TESPA1: variants seen among roughly 807,000 people sequenced by gnomAD.
TESPA1 encodes protein TESPA1.
TESPA1 carries 33 observed loss-of-function variants against 57.9 expected under a neutral mutation model. The ratio of observed to expected loss-of-function variants is 0.57; its 90% CI spans 0.43 to 0.76. The LOEUF is 0.76. TESPA1 is among the 30% of genes least tolerant of loss of function. TESPA1 has a pLI of 0.00. For missense variants in TESPA1, 618 were observed against 632.9 expected (o/e 0.98, Z 0.25); for synonymous variants, 227 against 228.9 (o/e 0.99, Z 0.07).
chr12:54,963,078 G>C lies in TESPA1; in HGVS notation c.820C>G (p.Pro274Ala), dbSNP rs771045829. The C allele has an allele frequency of 2.5e-6, 4 of 1,613,858 alleles. No individual in the cohort carries two copies. Among genetic ancestry groups the C allele is most frequent in the Non-Finnish European group, 3.4e-6 (4 of 1,179,890 alleles). Residue 274 changes from proline (P) to alanine (A), a missense_variant, in exon 9 of 11, where the codon CCT (proline) becomes GCT (alanine). By Grantham distance (27) the Pro-to-Ala change is conservative. This residue lies in a region of TESPA1 where 409 missense variants were observed against 420.1 expected (regional missense o/e 0.97). Coordinates refer to ENST00000449076, the MANE Select transcript of TESPA1 (RefSeq NM_001136030.3). ...CGGTCTCTGGGTGACTGGGGTTCAGGCTCTCGGGACAGAATCCTGATGGAT... is the reference window on the plus strand; with the variant it reads ...CGGTCTCTGGGTGACTGGGGTTCAGCCTCTCGGGACAGAATCCTGATGGAT... ...VPSIRILSRE[P>A]EPQSPRDRLR...
Position 54,962,930 on chromosome 12 carries a change from A to G in TESPA1, c.968T>C (p.Val323Ala), listed in dbSNP as rs1366536218. 2 of 1,613,174 alleles carry G rather than the reference A, an allele frequency of 1.2e-6. No individual in the cohort carries two copies. The highest frequency in any genetic ancestry group is 1.7e-6 in the Non-Finnish European group (2 of 1,179,788). ...CTGGAGGAACTGCTTCTCTTCTTTCACTTTGTCCATCACTTCCAACACAAC... is the reference window on the plus strand; with the variant it reads ...CTGGAGGAACTGCTTCTCTTCTTTCGCTTTGTCCATCACTTCCAACACAAC... ...DQVVLEVMDK[V>A]KEEKQFLQQD... The change falls in exon 9 of 11, where the codon GTG becomes GCG. Residue 323 changes from valine (V) to alanine (A), a missense_variant. Coordinates refer to ENST00000449076, the MANE Select transcript of TESPA1 (RefSeq NM_001136030.3).
chr12:54,975,967 T>G (rs141902361), intron 1 of TESPA1, among the ~76,000 whole-genome samples: 2 of 152,330 alleles, frequency 1.3e-5, no homozygotes, highest in East Asian at 3.9e-4. Context: ...CCAAGACATA[T>G]TTTTCTTCCA....
At chr12:54,966,222 C>A (rs1030551521) in intron 6 of TESPA1, 71 bp from the exon 7 acceptor site, 42 of 1,564,962 alleles carry the variant, frequency 2.7e-5, no homozygotes, top group Non-Finnish European at 3.2e-5. Context: ...GGAATCCCTG[C>A]TGGACTTATT....
chr12:54,973,335 C>T (rs1192289159), intron 3 of TESPA1, 142 bp downstream of exon 3: 2 of 1,240,484 alleles, frequency 1.6e-6, no homozygotes, highest in African/African-American at 1.5e-5. Context: ...CGCAACACCC[C>T]TCCAACCACC....
intron 3 of TESPA1, among the ~76,000 whole-genome samples, chr12:54,971,247 T>C (rs573725151): frequency 6.6e-6 from 1 of 152,304 alleles, no homozygotes; most frequent in East Asian, 1.9e-4. Flanking sequence ...CCTGGCAGAG[T>C]GGACAGATAA....
chr12:54,967,492 A>G (rs1435737714), intron 4 of TESPA1, among the ~76,000 whole-genome samples: 3 of 151,954 alleles, frequency 2.0e-5, no homozygotes, highest in Admixed American at 1.3e-4. Context: ...TCACATAGTT[A>G]TGTACACAAT....
In TESPA1 at chr12:54,974,582, G is replaced by C; in HGVS notation, c.-20C>G. ...CTCCATGGCCCTGGCTCAGACTTCA[G>C]GGCCTCCCGTAACAGTAATGCCGTC... On this transcript the variant is annotated 5_prime_UTR_variant, in exon 2 of 11. Transcript: ENST00000449076. The C allele has an allele frequency of 6.5e-7, 1 of 1,540,240 alleles. No homozygotes were observed. Among genetic ancestry groups the C allele is most frequent in the Non-Finnish European group, 8.8e-7 (1 of 1,140,852 alleles).
chr12:54,959,045 T>C (rs1016764359), intron 10 of TESPA1, among the ~76,000 whole-genome samples: 5 of 152,202 alleles, frequency 3.3e-5, no homozygotes, highest in African/African-American at 1.2e-4. Context: ...TTTTACTATG[T>C]CTTTTTTTTA....
chr12:54,984,286 A>G (rs1341579496), intron 1 of TESPA1: 2 of 152,074 alleles, frequency 1.3e-5, no homozygotes, highest in Non-Finnish European at 2.9e-5. Flanking sequence ...GAGAAAGGTG[A>G]AAAAAAATTC....
intron 9 of TESPA1, among the ~76,000 whole-genome samples, chr12:54,962,067 T>C (rs1244751019): frequency 6.6e-6 from 1 of 152,224 alleles, no homozygotes; most frequent in East Asian, 1.9e-4. Flanking sequence ...GTTAGATATT[T>C]GTCAAGGTAA....
In TESPA1 at chr12:54,961,223, G is replaced by A. The variant is rs771569819; in HGVS notation, c.1512C>T (p.Pro504=). ...GGTGGTGGGGGTGCCTGGGTCTGCT[G>A]GGCCAGCGACTCTGACTCTGCTCCT... ...SEEEQSQSRW[P]SRPRHPHHHQ... The change falls in exon 10 of 11, where the codon CCC becomes CCT. Residue 504 remains proline, a synonymous_variant. Coordinates refer to ENST00000449076, the MANE Select transcript of TESPA1 (RefSeq NM_001136030.3). 1 of 1,613,974 alleles carries A rather than the reference G, an allele frequency of 6.2e-7. No individual in the cohort carries two copies. Among genetic ancestry groups the A allele is most frequent in the South Asian group, 1.1e-5 (1 of 91,082 alleles).
chr12:54,972,809 G>C (rs1951917153), intron 3 of TESPA1, among the ~76,000 whole-genome samples: 1 of 152,120 alleles, frequency 6.6e-6, no homozygotes, highest in South Asian at 2.1e-4. Context: ...AGCCATTCCT[G>C]GAGGGAAAAT....
At position 54,949,474 on chromosome 12, in the gene TESPA1, A is replaced by C. The variant is rs569481956; in HGVS notation, c.*918T>G. The C allele has an allele frequency of 6.6e-6, 1 of 151,582 alleles. No homozygotes were observed. The highest frequency in any genetic ancestry group is 1.9e-4 in the East Asian group (1 of 5,136). The allele number at this position is 151,582 out of a possible 1,614,324, so 9.4% of individuals were successfully genotyped here. On this transcript the variant is annotated 3_prime_UTR_variant, in exon 11 of 11. Coordinates refer to ENST00000449076, the MANE Select transcript of TESPA1 (RefSeq NM_001136030.3). ...GCATCTTACTTCTCCCATTCTATTA[A>C]TATTAATATTTTCTCAGGGGAGAAA...
At chr12:54,958,879 T>A (rs926296955) in intron 10 of TESPA1, among the ~76,000 whole-genome samples, 1 of 152,186 alleles carries the variant, frequency 6.6e-6, no homozygotes, top group African/African-American at 2.4e-5. Context: ...AGGATTTCCA[T>A]CTCTCTGTTC....
intron 1 of TESPA1, among the ~76,000 whole-genome samples, chr12:54,978,529 G>A (rs1952210200): frequency 6.6e-6 from 1 of 152,160 alleles, no homozygotes; most frequent in Non-Finnish European, 1.5e-5. Context: ...GGTCTCTAGA[G>A]TTACTTCCCA....
At position 54,962,689 on chromosome 12, in the gene TESPA1, G is replaced by T. The variant is rs776608296; in HGVS notation, c.1209C>A (p.Ser403Arg). Residue 403 changes from serine to arginine, a missense_variant, in exon 9 of 11, where the codon AGC becomes AGA. Ser to Arg is a moderately radical substitution (Grantham distance 110). Transcript: ENST00000449076. ...CTCTCCTTATCTGAGCTGGGTCTGT[G>T]CTCCACTGTGGATCTTCTATGGGCA... The part of the protein sequence containing the change: ...HSLPIEDPQW[S>R]TDPAQIRREL... 1.2e-6 allele frequency: 2 copies of T among 1,613,818 alleles called. No homozygotes were observed.
chr12:54,974,058 A>G, intron 2 of TESPA1: 1 of 345,698 alleles, frequency 2.9e-6, no homozygotes, highest in Non-Finnish European at 4.3e-6. Context: ...TTGTGGCCAG[A>G]GTCCAGGCAT....
At chr12:54,982,684 G>A (rs1952363643) in intron 1 of TESPA1, among the ~76,000 whole-genome samples, 1 of 152,226 alleles carries the variant, frequency 6.6e-6, no homozygotes, top group Non-Finnish European at 1.5e-5. Context: ...TATCTGAGCT[G>A]ATTTATAGAT....
rs910503292 is a variant in TESPA1 at position 54,966,121 on chromosome 12, C to T, written c.378G>A (p.Gln126=). The change falls in exon 7 of 11, where the codon CAG becomes CAA. Residue 126 remains glutamine, a synonymous_variant. Coordinates refer to ENST00000449076, the MANE Select transcript of TESPA1 (RefSeq NM_001136030.3). ...CCAAACTACAGCCAAGATCAAGTAG[C>T]TGGCAAGGCCTGGCTGTCTCGAGGA... ...RSFLETARPC[Q]LLDLGCSLAS... is the part of the protein sequence containing the mutation. 16 of 1,572,160 alleles carry T rather than the reference C, an allele frequency of 1.0e-5. No individual in the cohort carries two copies. The highest frequency in any genetic ancestry group is 1.7e-4 in the Middle Eastern group (1 of 6,040).
Sources: gnomAD v4.1 joint callset for allele counts (sites outside exome capture counted in the v4.1 genomes callset) on GRCh38, gnomAD v4.1.1 for gene constraint, gnomAD v4.1.1 regional missense constraint, MANE v1.5 for transcripts, NCBI Gene and HGNC (gene_info 2026-07-23, HGNC 2026-07-21) for gene names.